DOT1L: variants seen among roughly 807,000 people sequenced by gnomAD.
The protein encoded by DOT1L is DOT1 like histone lysine methyltransferase.
DOT1L carries 33 observed loss-of-function variants against 153.3 expected under a neutral mutation model. The observed-to-expected ratio is 0.22, with a 90% CI of 0.16 to 0.29. The LOEUF is 0.29. Ranked by LOEUF, DOT1L falls within the 10% of genes least tolerant of loss-of-function variation. The probability of loss-of-function intolerance (pLI) is 1.00; values close to 1 mark genes in which losing one functional copy is unlikely to be tolerated. For synonymous variants in DOT1L, 1,135 were observed against 965.1 expected (o/e 1.18, Z -3.26); for missense variants, 1,847 against 2,119.9 (o/e 0.87, Z 2.53).
At position 2,191,873 on chromosome 19, in the gene DOT1L, G is replaced by A. The variant is rs1036643901; in HGVS notation, c.493+633G>A. On this transcript the variant is annotated intron_variant, in intron 5 of 27. Coordinates refer to ENST00000398665, the MANE Select transcript of DOT1L (RefSeq NM_032482.3). This position sits in a 1 kb window ranked among gnomAD's most constrained non-coding sequence, Gnocchi z 6.8. ...GTGTCGTCTCCTCTCAACCACGGGC[G>A]GGGCTCCTTGAAACGAGGCCCTAGG... Among the ~76,000 whole-genome samples, 3 of 152,176 alleles carry A rather than the reference G, an allele frequency of 2.0e-5. No homozygotes were observed. The East Asian group carries it at 5.8e-4, about 29-fold the overall frequency.
At chr19:2,167,257 C>G (rs560666519) in intron 1 of DOT1L, among the ~76,000 whole-genome samples, 27 of 152,332 alleles carry the variant, frequency 1.8e-4, no homozygotes, top group Non-Finnish European at 3.5e-4. Context: ...ACATCTGCAT[C>G]CCAACAGTTG....
rs938075355 is a variant in DOT1L, at chr19:2,216,367, C to CCTGCACCTG, written c.2012_2020dup (p.Leu671_Leu673dup). On this transcript the variant is annotated inframe_insertion, in exon 20 of 28. Coordinates refer to ENST00000398665, the MANE Select transcript of DOT1L (RefSeq NM_032482.3). ...GTGTGCCGCCTGACGACGCCCTGTC[C>CCTGCACCTG]CTGCACCTGCGTGGGAAGGGCGCCC... 1 of 1,612,156 alleles carries CCTGCACCTG rather than the reference C, an allele frequency of 6.2e-7. No individual in the cohort carries two copies. The highest frequency in any genetic ancestry group is 8.5e-7 in the Non-Finnish European group (1 of 1,179,636).
chr19:2,212,188 C>T (rs756799703), intron 16 of DOT1L: 19 of 198,998 alleles, frequency 9.5e-5, no homozygotes, highest in Non-Finnish European at 9.2e-5. Flanking sequence ...TCCCAGTTGT[C>T]GCCTATTGGT....
Position 2,193,819 on chromosome 19 carries a change from A to G in DOT1L, c.588+36A>G. 6.2e-7 allele frequency: 1 copy of G among 1,602,766 alleles called. No individual in the cohort carries two copies. Among genetic ancestry groups the G allele is most frequent in the Non-Finnish European group, 8.5e-7 (1 of 1,172,842 alleles). On this transcript the variant is annotated intron_variant, in intron 6 of 27. Transcript: ENST00000398665. The surrounding 1 kb of genome is among the most constrained non-coding windows in gnomAD (Gnocchi z 5.9). ...CTGAGGGCCAGGGTGTGTTGGAGGC[A>G]GGGGACCATCAGAGAAAGTGACGCC...
At chr19:2,224,472 T>C (rs2144919078) in intron 25 of DOT1L, among the ~76,000 whole-genome samples, 1 of 151,414 alleles carries the variant, frequency 6.6e-6, no homozygotes, top group African/African-American at 2.4e-5. Context: ...CTTTTTTTTT[T>C]TTTTTTTTCC....
chr19:2,221,013 C>T (rs2024094658), intron 23 of DOT1L: 1 of 168,694 alleles, frequency 5.9e-6, no homozygotes, highest in Non-Finnish European at 1.3e-5. Flanking sequence ...ACCGTCTGTA[C>T]TAAAAATACA....
intron 25 of DOT1L, among the ~76,000 whole-genome samples, chr19:2,223,964 C>A (rs1228103320): frequency 6.6e-6 from 1 of 152,158 alleles, no homozygotes; most frequent in Non-Finnish European, 1.5e-5. Flanking sequence ...CCTTGAAACA[C>A]TCACTCCCCT....
intron 12 of DOT1L, 86 bp from the exon 13 acceptor site, chr19:2,210,314 T>C: frequency 8.1e-7 from 1 of 1,231,650 alleles, no homozygotes; most frequent in Non-Finnish European, 1.1e-6. Flanking sequence ...GTGGCCCCCT[T>C]GAGTCTGAGC....
chr19:2,185,459 A>T (rs1175741050), intron 2 of DOT1L, among the ~76,000 whole-genome samples: 2 of 152,074 alleles, frequency 1.3e-5, no homozygotes, highest in African/African-American at 4.8e-5. Context: ...TCTGTTGGAG[A>T]GGATGCAGTG....
At chr19:2,183,434 G>A (rs1237492508) in intron 2 of DOT1L, among the ~76,000 whole-genome samples, 2 of 152,328 alleles carry the variant, frequency 1.3e-5, no homozygotes, top group East Asian at 3.9e-4. Context: ...GCCTCCCGAA[G>A]TGTGGGGAGG....
At chr19:2,227,555 C>A (rs1599628379) in intron 27 of DOT1L, 1 of 633,414 alleles carries the variant, frequency 1.6e-6, no homozygotes, top group Non-Finnish European at 2.3e-6. Context: ...TGCTGCGGGG[C>A]GGGGGGCCGG....
chr19:2,221,945 T>TC (rs770454862), intron 23 of DOT1L, 31 bp from the exon 24 acceptor site: 34 of 1,559,940 alleles, frequency 2.2e-5, no homozygotes, highest in Non-Finnish European at 3.5e-6. Context: ...CCATCCTGTG[T>TC]CCCCTGAGAC....
At chr19:2,203,177 A>T (rs745872131) in intron 9 of DOT1L, among the ~76,000 whole-genome samples, 1 of 152,170 alleles carries the variant, frequency 6.6e-6, no homozygotes, top group Non-Finnish European at 1.5e-5. Context: ...ATCTCAGCTT[A>T]CCGCAACCTC....
At chr19:2,181,755 C>G (rs944410653) in intron 2 of DOT1L, among the ~76,000 whole-genome samples, 2 of 149,230 alleles carry the variant, frequency 1.3e-5, no homozygotes, top group South Asian at 2.1e-4. Context: ...GCCCAGCCCC[C>G]GCCCAGCACC....
At chr19:2,202,641 G>T in intron 8 of DOT1L, 59 bp from the exon 9 acceptor site, 1 of 1,548,246 alleles carries the variant, frequency 6.5e-7, no homozygotes, top group South Asian at 1.1e-5. Flanking sequence ...TGGCTGCGCC[G>T]GGTGGCTGTG....
Position 2,230,791 on chromosome 19 carries a change from C to T in DOT1L, c.*999C>T, listed in dbSNP as rs982515129. On this transcript the variant is annotated 3_prime_UTR_variant, in exon 28 of 28. Coordinates refer to ENST00000398665, the MANE Select transcript of DOT1L (RefSeq NM_032482.3). ...CAAACAGTGCACAAAATGGCCCCAG[C>T]GTCAGCCCCGACCCTAGACCCCTCA... 1.3e-5 allele frequency: 5 copies of T among 387,386 alleles called. No individual in the cohort carries two copies. Among genetic ancestry groups the T allele is most frequent in the African/African-American group, 8.3e-5 (4 of 48,464 alleles). The allele number at this position is 387,386 out of a possible 1,614,324, so 24.0% of individuals were successfully genotyped here. A position where few individuals can be genotyped will look rare whatever the true frequency, so the allele number is the denominator to read the frequency against.
At chr19:2,227,987 C>A in intron 27 of DOT1L, 1 of 1,279,012 alleles carries the variant, frequency 7.8e-7, no homozygotes, top group Non-Finnish European at 1.0e-6. Flanking sequence ...CCGTCCTCCA[C>A]GCCCCCCCTC....
In DOT1L at chr19:2,231,841, A is replaced by G. The variant is rs575455446; in HGVS notation, c.*2049A>G. On this transcript the variant is annotated 3_prime_UTR_variant, in exon 28 of 28. Transcript: ENST00000398665. ...GCCATCACGGGTCCTGCAGATGGCC[A>G]TGCAGGGCTCCTGCCCACGCAGGCC... 81 of 219,764 alleles carry G rather than the reference A, an allele frequency of 3.7e-4. No homozygotes were observed. The highest frequency in any genetic ancestry group is 1.8e-3 in the African/African-American group (79 of 44,676). 13.6% of individuals were successfully genotyped at this position (219,764 alleles called of 1,614,324 possible).
chr19:2,227,170 G>C, intron 27 of DOT1L, 43 bp downstream of exon 27: 1 of 1,575,018 alleles, frequency 6.3e-7, no homozygotes, highest in Non-Finnish European at 8.6e-7. Flanking sequence ...CCCGGCCCCC[G>C]CCGGAGGCCC....
Sources: allele counts gnomAD v4.1 joint callset (sites outside exome capture counted in the v4.1 genomes callset), GRCh38; gene constraint gnomAD v4.1.1; non-coding constraint Gnocchi (gnomAD v3.1); transcripts MANE v1.5; gene names NCBI Gene and HGNC (gene_info 2026-07-23, HGNC 2026-07-21).